Variants in ACTL8 observed in about 807,000 individuals in gnomAD.
ACTL8 encodes the protein actin-like protein 8.
ACTL8 carries 3 observed loss-of-function variants against 9.3 expected under a neutral mutation model. That is an observed-to-expected ratio of 0.32 (90% confidence interval 0.15 to 0.83). ACTL8 has a LOEUF of 0.83. Among genes scored for constraint, ACTL8 ranks in the 40% least tolerant of loss-of-function variants. The pLI is 0.57. For synonymous variants in ACTL8, 224 were observed against 205.9 expected (o/e 1.09, Z -0.75); for missense variants, 381 against 492.2 (o/e 0.77, Z 2.14).
At chr1:17,822,707 G>GATAC (rs1234093436) in intron 1 of ACTL8, among the ~76,000 whole-genome samples, 2 of 152,282 alleles carry the variant, frequency 1.3e-5, no homozygotes, top group East Asian at 3.9e-4. Flanking sequence ...CACCTAGCAG[G>GATAC]ATACATGTGT....
rs548197907 is a variant in ACTL8 at position 17,767,884 on chromosome 1, G to A, written c.-25+12380G>A. Among the ~76,000 whole-genome samples the A allele has an allele frequency of 6.6e-6, 1 of 152,232 alleles. No individual in the cohort carries two copies. The highest frequency in any genetic ancestry group is 6.5e-5 in the Admixed American group (1 of 15,286). ...GGTGGCAGTGTGGCTTTTCTCGAAA[G>A]CATGAGGCCCCAGCCTCCCTGGGTG... On this transcript the variant is annotated intron_variant, in intron 1 of 2. Coordinates refer to ENST00000375406, the MANE Select transcript of ACTL8 (RefSeq NM_030812.3). The surrounding 1 kb of genome is among the most constrained non-coding windows in gnomAD (Gnocchi z 4.7).
intron 1 of ACTL8, among the ~76,000 whole-genome samples, chr1:17,757,929 A>G (rs1372879270): frequency 3.9e-5 from 6 of 152,180 alleles, no homozygotes. Context: ...GAGGGTTGTG[A>G]TGTCATGATG....
chr1:17,770,062 TG>T (rs1275154231), intron 1 of ACTL8, among the ~76,000 whole-genome samples: 3 of 152,196 alleles, frequency 2.0e-5, no homozygotes, highest in South Asian at 2.1e-4. Flanking sequence ...TTGTATTTAT[TG>T]ATGAGGTCTG....
intron 1 of ACTL8, 131 bp from the exon 2 acceptor site, chr1:17,822,854 G>C (rs1002202127): frequency 2.0e-5 from 13 of 643,862 alleles, no homozygotes; most frequent in Non-Finnish European, 3.5e-5. Context: ...GTAATGGCTT[G>C]TGTAAAGGCT....
At position 17,823,236 on chromosome 1, in the gene ACTL8, G is replaced by A. The variant is rs957968866; in HGVS notation, c.228G>A (p.Glu76=). The stretch of plus-strand genomic sequence containing the variant: ...AGCGGGGCCGCATCCTCAACTGGGA[G>A]GGTGTGCAGTACCTCTGGTCATTTG... ...PIERGRILNW[E]GVQYLWSFVL... is the part of the protein sequence containing the mutation. Residue 76 remains glutamate, a synonymous_variant, in exon 2 of 3, where the codon GAG becomes GAA. Coordinates refer to ENST00000375406, the MANE Select transcript of ACTL8 (RefSeq NM_030812.3). The surrounding 1 kb of genome is among the most constrained non-coding windows in gnomAD (Gnocchi z 5.3). 4.3e-6 allele frequency: 7 copies of A among 1,614,078 alleles called. No homozygotes were observed. Among genetic ancestry groups the A allele is most frequent in the Non-Finnish European group, 5.9e-6 (7 of 1,180,040 alleles).
chr1:17,767,523 G>A lies in ACTL8; in HGVS notation c.-25+12019G>A, dbSNP rs2066052961. Reference sequence around the variant, plus strand: ...CCTTCCCTGCTCTCCTGGGGGTTGAGTTTGGCCTTGTCTAAGCCCGTGGCT... The same window carrying A: ...CCTTCCCTGCTCTCCTGGGGGTTGAATTTGGCCTTGTCTAAGCCCGTGGCT... On this transcript the variant is annotated intron_variant, in intron 1 of 2. Coordinates refer to ENST00000375406, the MANE Select transcript of ACTL8 (RefSeq NM_030812.3). The surrounding 1 kb of genome is among the most constrained non-coding windows in gnomAD (Gnocchi z 4.7). 6.6e-6 allele frequency among the ~76,000 whole-genome samples: 1 copy of A among 152,202 alleles called. No individual in the cohort carries two copies. Among genetic ancestry groups the A allele is most frequent in the African/African-American group, 2.4e-5 (1 of 41,456 alleles).
chr1:17,773,086 C>T (rs1487601512), intron 1 of ACTL8, among the ~76,000 whole-genome samples: 2 of 152,192 alleles, frequency 1.3e-5, no homozygotes, highest in African/African-American at 4.8e-5. Context: ...CGACGTAATC[C>T]TCCGAAGCCC....
chr1:17,809,193 C>T (rs1006317657), intron 1 of ACTL8, among the ~76,000 whole-genome samples: 5 of 152,126 alleles, frequency 3.3e-5, no homozygotes, highest in South Asian at 2.1e-4. Flanking sequence ...CTGGAGCCTA[C>T]GTTCTGGTGG....
intron 1 of ACTL8, among the ~76,000 whole-genome samples, chr1:17,811,917 G>GA (rs1172354838): frequency 3.3e-5 from 5 of 151,608 alleles, no homozygotes; most frequent in African/African-American, 1.2e-4. Context: ...GCCCAGGTTG[G>GA]AGTGCAATGA....
chr1:17,823,204 C>T lies in ACTL8; in HGVS notation c.196C>T (p.Pro66Ser). ...TTGCCATCCTGACACCTTTAGCTAC[C>T]CCATCGAGCGGGGCCGCATCCTCAA... ...DICHPDTFSY[P>S]IERGRILNWE... Residue 66 changes from proline to serine, a missense_variant, in exon 2 of 3, where the codon CCC becomes TCC. By Grantham distance (74) the Pro-to-Ser change is moderately conservative. Transcript: ENST00000375406. This position sits in a 1 kb window ranked among gnomAD's most constrained non-coding sequence, Gnocchi z 5.3. The T allele has an allele frequency of 2.5e-6, 4 of 1,614,184 alleles. No individual in the cohort carries two copies. Among genetic ancestry groups the T allele is most frequent in the Non-Finnish European group, 3.4e-6 (4 of 1,180,044 alleles).
chr1:17,822,072 A>G (rs1011604080), intron 1 of ACTL8, among the ~76,000 whole-genome samples: 7 of 152,144 alleles, frequency 4.6e-5, no homozygotes, highest in African/African-American at 1.7e-4. Context: ...ACTAACCACA[A>G]TCATGGAGTC....
chr1:17,811,215 G>T (rs1047445651), intron 1 of ACTL8, among the ~76,000 whole-genome samples: 2 of 152,162 alleles, frequency 1.3e-5, no homozygotes, highest in Non-Finnish European at 2.9e-5. Context: ...GCATCTTTCA[G>T]TGTGCTTACT....
chr1:17,816,822 C>A lies in ACTL8; in HGVS notation c.-24-6163C>A, dbSNP rs573511401. 5.9e-5 allele frequency among the ~76,000 whole-genome samples: 9 copies of A among 152,306 alleles called. No individual in the cohort carries two copies. The South Asian group carries it at 1.7e-3, about 28-fold the overall frequency. ...CCATTTCTTCAGTATTCTTCCCCAA[C>A]TCTTTGAGTTGCATAGGTTCCTTTT... On this transcript the variant is annotated intron_variant, in intron 1 of 2. Transcript: ENST00000375406.
chr1:17,801,606 A>G (rs1031105714), intron 1 of ACTL8, among the ~76,000 whole-genome samples: 3 of 152,238 alleles, frequency 2.0e-5, no homozygotes, highest in African/African-American at 7.2e-5. Flanking sequence ...TTTGTGTTCT[A>G]TTATAGTAGT....
intron 1 of ACTL8, among the ~76,000 whole-genome samples, chr1:17,783,352 GT>G (rs1369867396): frequency 4.9e-4 from 54 of 110,726 alleles, no homozygotes; most frequent in East Asian, 3.2e-3. Context: ...TTTTTGTTTT[GT>G]TTTTTTTTTT....
intron 1 of ACTL8, among the ~76,000 whole-genome samples, chr1:17,765,254 G>A (rs2066036111): frequency 6.6e-6 from 1 of 152,164 alleles, no homozygotes. Context: ...GGCTGTCCAG[G>A]CCAAGTGTAC....
intron 1 of ACTL8, among the ~76,000 whole-genome samples, chr1:17,786,166 G>A (rs111490896): frequency 2.6e-5 from 4 of 152,314 alleles, no homozygotes; most frequent in African/African-American, 9.6e-5. Context: ...AGGTGGACAG[G>A]GTGTCTCTCT....
In ACTL8 at chr1:17,818,390, G is replaced by C. The variant is rs1300236608; in HGVS notation, c.-24-4595G>C. Among the ~76,000 whole-genome samples the C allele has an allele frequency of 2.0e-4, 30 of 152,136 alleles. 1 individual carries two copies. The highest frequency in any genetic ancestry group is 2.9e-5 in the Non-Finnish European group (2 of 68,030). On this transcript the variant is annotated intron_variant, in intron 1 of 2. Coordinates refer to ENST00000375406, the MANE Select transcript of ACTL8 (RefSeq NM_030812.3). ...CTGCAGTCTATCCTTTCTATTGGCC[G>C]AAGTGATCCTTTCACAAGTGAAGTC...
At chr1:17,759,015 T>G (rs1228008443) in intron 1 of ACTL8, among the ~76,000 whole-genome samples, 1 of 152,202 alleles carries the variant, frequency 6.6e-6, no homozygotes, top group African/African-American at 2.4e-5. Flanking sequence ...CTCCTTGTTT[T>G]GGGGAGTGAG....
Sources: allele counts gnomAD v4.1 joint callset (sites outside exome capture counted in the v4.1 genomes callset), GRCh38; gene constraint gnomAD v4.1.1; non-coding constraint Gnocchi (gnomAD v3.1); transcripts MANE v1.5; gene names NCBI Gene and HGNC (gene_info 2026-07-23, HGNC 2026-07-21).